RAB27B: variants seen among roughly 807,000 people sequenced by gnomAD.
The protein encoded by RAB27B is RAB27B, member RAS oncogene family, also known as ras-related protein Rab-27B.
In RAB27B, 15 loss-of-function variants were observed where a neutral mutation model predicts 24.6. The observed-to-expected ratio is 0.61, with a 90% confidence interval of 0.41 to 0.94. The LOEUF (loss-of-function observed/expected upper bound fraction) is 0.94. Ranked by LOEUF, RAB27B falls within the 40% of genes least tolerant of loss-of-function variation. The pLI, the probability that RAB27B is intolerant of heterozygous loss-of-function variation, is 0.00. For missense variants in RAB27B, 261 were observed against 266.8 expected (o/e 0.98, Z 0.15); for synonymous variants, 105 against 92.5 (o/e 1.14, Z -0.78).
Position 54,784,093 on chromosome 18 carries a change from A to C in RAB27B, c.-20+65952A>C, listed in dbSNP as rs983790336. The stretch of plus-strand genomic sequence containing the variant: ...TAGTATGCTAATTGGATCACATTAC[A>C]GAAAGGCATTGCTAACCTATGGCTG... On this transcript the variant is annotated intron_variant, in intron 2 of 4. Coordinates refer to the RAB27B transcript ENST00000586570. Among the ~76,000 whole-genome samples, 3 of 152,208 alleles carry C rather than the reference A, an allele frequency of 2.0e-5. No homozygotes were observed. The East Asian group carries it at 5.8e-4, about 29-fold the overall frequency.
intron 2 of RAB27B, among the ~76,000 whole-genome samples, chr18:54,822,329 A>T (rs1910337544): frequency 6.6e-6 from 1 of 152,230 alleles, no homozygotes. Flanking sequence ...ATTTAAGATG[A>T]TTTAATAATC....
intron 2 of RAB27B, among the ~76,000 whole-genome samples, chr18:54,752,987 G>A (rs1907885415): frequency 6.6e-6 from 1 of 152,168 alleles, no homozygotes; most frequent in Admixed American, 6.5e-5. Flanking sequence ...GACACCCCAA[G>A]GTCTAGCTTG....
At chr18:54,837,285 A>G (rs1568088728) in intron 1 of RAB27B, among the ~76,000 whole-genome samples, 1 of 152,110 alleles carries the variant, frequency 6.6e-6, no homozygotes, top group Non-Finnish European at 1.5e-5. Context: ...GTTGGAGAAG[A>G]TAAGTTATAT....
chr18:54,777,335 C>G (rs1908747858), intron 2 of RAB27B, among the ~76,000 whole-genome samples: 1 of 152,164 alleles, frequency 6.6e-6, no homozygotes, highest in Non-Finnish European at 1.5e-5. Flanking sequence ...TCTTAGATCT[C>G]TTGGGTACAG....
chr18:54,775,947 C>A (rs184644081), intron 2 of RAB27B, among the ~76,000 whole-genome samples: 1 of 152,328 alleles, frequency 6.6e-6, no homozygotes, highest in East Asian at 1.9e-4. Context: ...ATAAGATAAT[C>A]ATGGGAAAAT....
At chr18:54,858,817 A>G (rs141370780) in intron 1 of RAB27B, among the ~76,000 whole-genome samples, 207 of 152,308 alleles carry the variant, frequency 1.4e-3, no homozygotes, top group Middle Eastern at 6.8e-3. Flanking sequence ...CGAGTTAGGA[A>G]GAGCATTCTT....
intron 1 of RAB27B, among the ~76,000 whole-genome samples, chr18:54,857,117 A>G (rs908038421): frequency 6.6e-6 from 1 of 152,222 alleles, no homozygotes; most frequent in Non-Finnish European, 1.5e-5. Flanking sequence ...CATTAACGAT[A>G]TACAGTTCCC....
chr18:54,807,894 T>G (rs889917764), intron 2 of RAB27B, among the ~76,000 whole-genome samples: 1 of 152,208 alleles, frequency 6.6e-6, no homozygotes, highest in Non-Finnish European at 1.5e-5. Flanking sequence ...ACTTCATCAC[T>G]TCAGGGGATA....
intron 2 of RAB27B, among the ~76,000 whole-genome samples, chr18:54,740,823 A>C (rs1179089374): frequency 6.6e-6 from 1 of 152,224 alleles, no homozygotes; most frequent in Non-Finnish European, 1.5e-5. Context: ...TGATAGATAG[A>C]TAGATAGATG....
chr18:54,847,608 A>T (rs954012648), intron 1 of RAB27B, among the ~76,000 whole-genome samples: 1 of 152,190 alleles, frequency 6.6e-6, no homozygotes, highest in Non-Finnish European at 1.5e-5. Flanking sequence ...TTGTTAATTT[A>T]TCTTACTACT....
At chr18:54,849,845 T>A (rs1911488154) in intron 1 of RAB27B, among the ~76,000 whole-genome samples, 1 of 152,168 alleles carries the variant, frequency 6.6e-6, no homozygotes, top group Non-Finnish European at 1.5e-5. Flanking sequence ...CCTCTGACAC[T>A]CTTGTCTCCA....
At chr18:54,847,985 A>G (rs1172842151) in intron 1 of RAB27B, among the ~76,000 whole-genome samples, 3 of 152,248 alleles carry the variant, frequency 2.0e-5, no homozygotes, top group Non-Finnish European at 4.4e-5. Flanking sequence ...AAGAAAATTT[A>G]TGGACAGCAA....
chr18:54,748,531 C>G (rs1357979903), intron 2 of RAB27B, among the ~76,000 whole-genome samples: 1 of 152,138 alleles, frequency 6.6e-6, no homozygotes, highest in East Asian at 1.9e-4. Flanking sequence ...TTGTGTAAGG[C>G]TTAAAACATG....
intron 2 of RAB27B, among the ~76,000 whole-genome samples, chr18:54,758,580 G>A (rs182700850): frequency 2.6e-5 from 4 of 150,960 alleles, no homozygotes; most frequent in South Asian, 2.1e-4. Flanking sequence ...TAAAGGTTGT[G>A]CAGTTGGTAG....
chr18:54,858,478 G>A (rs1032483194), intron 1 of RAB27B, among the ~76,000 whole-genome samples: 10 of 150,186 alleles, frequency 6.7e-5, no homozygotes, highest in African/African-American at 1.5e-4. Context: ...TCCACCTCCC[G>A]TGTTCACGCC....
intron 2 of RAB27B, chr18:54,745,585 A>C (rs1910212471): frequency 6.4e-6 from 1 of 156,590 alleles, no homozygotes; most frequent in Admixed American, 6.4e-5. Flanking sequence ...GAGAGGTCTT[A>C]AGCTGTTCTT....
At chr18:54,876,298 G>T (rs1028907881) in intron 1 of RAB27B, among the ~76,000 whole-genome samples, 3 of 152,176 alleles carry the variant, frequency 2.0e-5, no homozygotes, top group African/African-American at 7.2e-5. Context: ...TACAATTCAA[G>T]ATGAGATTTG....
intron 2 of RAB27B, among the ~76,000 whole-genome samples, chr18:54,772,823 AC>A (rs564790365): frequency 4.6e-4 from 70 of 152,302 alleles, no homozygotes; most frequent in Non-Finnish European, 5.1e-4. Flanking sequence ...GATTATACCT[AC>A]CTTGTATATT....
chr18:54,758,361 T>A (rs1176019927), intron 2 of RAB27B, among the ~76,000 whole-genome samples: 2 of 152,138 alleles, frequency 1.3e-5, no homozygotes, highest in East Asian at 3.9e-4. Flanking sequence ...AGAAAGGCCG[T>A]AGAAAGGTTT....
Sources: allele counts gnomAD v4.1 joint callset (sites outside exome capture counted in the v4.1 genomes callset), GRCh38; gene constraint gnomAD v4.1.1; transcripts MANE v1.5; gene names NCBI Gene and HGNC (gene_info 2026-07-23, HGNC 2026-07-21).